The following MTUS2 variants were observed in gnomAD, a reference collection of about 807,000 sequenced individuals.
MTUS2 encodes microtubule-associated tumor suppressor candidate 2.
MTUS2 carries 40 observed loss-of-function variants against 114.1 expected under a neutral mutation model. That is an observed-to-expected ratio of 0.35 (90% confidence interval 0.27 to 0.46). MTUS2 has a LOEUF of 0.46. Among genes scored for constraint, MTUS2 ranks in the 20% least tolerant of loss-of-function variants. The probability of loss-of-function intolerance (pLI) is 1.00; values close to 1 mark genes in which losing one functional copy is unlikely to be tolerated. For missense variants in MTUS2, 1,679 were observed against 1,705.4 expected (o/e 0.98, Z 0.27); for synonymous variants, 688 against 672.0 (o/e 1.02, Z -0.37).
intron 2 of MTUS2, among the ~76,000 whole-genome samples, chr13:28,870,547 G>A (rs1011691919): frequency 5.9e-5 from 9 of 152,138 alleles, no homozygotes; most frequent in African/African-American, 2.2e-4. Context: ...TGTGCTTCTG[G>A]TGGTTAAGCT....
At chr13:29,134,180 C>T (rs1221709861) in intron 5 of MTUS2, among the ~76,000 whole-genome samples, 1 of 152,120 alleles carries the variant, frequency 6.6e-6, no homozygotes, top group Non-Finnish European at 1.5e-5. Flanking sequence ...AATTTCCACA[C>T]ATTTTTGAAT....
intron 5 of MTUS2, among the ~76,000 whole-genome samples, chr13:29,266,618 A>G (rs1449490540): frequency 1.3e-5 from 2 of 152,194 alleles, no homozygotes; most frequent in Non-Finnish European, 2.9e-5. Context: ...ATACTATATT[A>G]TAGATCATCC....
At chr13:29,406,268 G>T (rs1874746810) in intron 8 of MTUS2, among the ~76,000 whole-genome samples, 1 of 152,206 alleles carries the variant, frequency 6.6e-6, no homozygotes, top group Admixed American at 6.5e-5. Flanking sequence ...CCCACTGAGG[G>T]TCGGGTATCT....
Position 29,080,520 on chromosome 13 carries a change from A to G in MTUS2, c.2447-20253A>G, listed in dbSNP as rs560113859. Among the ~76,000 whole-genome samples, 4 of 152,328 alleles carry G rather than the reference A, an allele frequency of 2.6e-5. No homozygotes were observed. The South Asian group carries it at 6.2e-4, about 24-fold the overall frequency. On this transcript the variant is annotated intron_variant, in intron 4 of 15. Coordinates refer to ENST00000612955, the MANE Select transcript of MTUS2 (RefSeq NM_001033602.4). ...CTGAGGAGCAAGGAAGCCAGTCCAT[A>G]TCTCAAAGCTGAAGAACTTGGAGTC... is the stretch of plus-strand genomic sequence containing the variant.
intron 5 of MTUS2, among the ~76,000 whole-genome samples, chr13:29,174,018 T>C (rs1029389576): frequency 1.3e-5 from 2 of 152,160 alleles, no homozygotes; most frequent in African/African-American, 4.8e-5. Flanking sequence ...GAAGGCATAT[T>C]GTGACATTGT....
At chr13:29,491,777 G>C (rs1204599992) in intron 11 of MTUS2, among the ~76,000 whole-genome samples, 1 of 148,498 alleles carries the variant, frequency 6.7e-6, no homozygotes, top group South Asian at 2.2e-4. Flanking sequence ...TGTGATGTAT[G>C]TATGTGCTGT....
At chr13:28,847,072 G>T (rs1875934892) in intron 2 of MTUS2, among the ~76,000 whole-genome samples, 1 of 152,150 alleles carries the variant, frequency 6.6e-6, no homozygotes, top group Non-Finnish European at 1.5e-5. Context: ...TTTTAATTGG[G>T]GGTGATGTGG....
At chr13:29,470,072 A>C (rs1420138310) in intron 9 of MTUS2, among the ~76,000 whole-genome samples, 1 of 152,140 alleles carries the variant, frequency 6.6e-6, no homozygotes, top group Non-Finnish European at 1.5e-5. Flanking sequence ...CCTTCACCTT[A>C]GTACAGCCAA....
intron 5 of MTUS2, among the ~76,000 whole-genome samples, chr13:29,162,062 A>G (rs1893120855): frequency 6.6e-6 from 1 of 152,158 alleles, no homozygotes. Flanking sequence ...ACACTTCAAA[A>G]TTTAGCATCC....
chr13:28,947,498 G>A (rs946811959), intron 2 of MTUS2, among the ~76,000 whole-genome samples: 1 of 152,002 alleles, frequency 6.6e-6, no homozygotes, highest in African/African-American at 2.4e-5. Flanking sequence ...CATTTACACG[G>A]GGTCTTCAAA....
intron 2 of MTUS2, among the ~76,000 whole-genome samples, chr13:28,917,834 C>CT (rs1289723009): frequency 6.6e-6 from 1 of 151,568 alleles, no homozygotes; most frequent in African/African-American, 2.4e-5. Context: ...TGTTTTTCTT[C>CT]TTTTTTGAGG....
At chr13:29,278,778 A>T (rs538613035) in intron 5 of MTUS2, among the ~76,000 whole-genome samples, 8 of 152,310 alleles carry the variant, frequency 5.3e-5, no homozygotes, top group African/African-American at 1.9e-4. Context: ...CAATTGTGTT[A>T]TCCTCACCTT....
At chr13:29,362,876 T>C (rs1335111938) in intron 8 of MTUS2, among the ~76,000 whole-genome samples, 2 of 152,174 alleles carry the variant, frequency 1.3e-5, no homozygotes, top group Non-Finnish European at 2.9e-5. Context: ...GCTTTATAGC[T>C]CCTGGCAGAG....
intron 2 of MTUS2, among the ~76,000 whole-genome samples, chr13:28,939,792 A>T (rs1334173199): frequency 1.3e-5 from 2 of 152,188 alleles, no homozygotes; most frequent in African/African-American, 4.8e-5. Flanking sequence ...CATGCTGCTA[A>T]CAAAGACATA....
chr13:29,281,492 A>G (rs1898267232), intron 5 of MTUS2, among the ~76,000 whole-genome samples: 1 of 151,154 alleles, frequency 6.6e-6, no homozygotes, highest in Non-Finnish European at 1.5e-5. Flanking sequence ...CGTTTAGTGC[A>G]CGGGATTTGT....
At chr13:29,395,038 C>T (rs1166234021) in intron 8 of MTUS2, among the ~76,000 whole-genome samples, 1 of 152,154 alleles carries the variant, frequency 6.6e-6, no homozygotes, top group Non-Finnish European at 1.5e-5. Context: ...GACAGCTTTG[C>T]AGTGCCATTT....
At chr13:28,883,113 A>G (rs1395811452) in intron 2 of MTUS2, among the ~76,000 whole-genome samples, 1 of 152,198 alleles carries the variant, frequency 6.6e-6, no homozygotes, top group Non-Finnish European at 1.5e-5. Flanking sequence ...ATCACTGCAC[A>G]CCTATCAGAA....
At chr13:29,057,253 A>G (rs923963123) in intron 4 of MTUS2, among the ~76,000 whole-genome samples, 1 of 152,104 alleles carries the variant, frequency 6.6e-6, no homozygotes, top group African/African-American at 2.4e-5. Context: ...CCATGTGCAG[A>G]AGAGAAGATT....
chr13:29,503,503 A>G lies in MTUS2; in HGVS notation c.*297A>G. The G allele has an allele frequency of 1.9e-6, 1 of 532,646 alleles. No homozygotes were observed. The highest frequency in any genetic ancestry group is 3.4e-6 in the Non-Finnish European group (1 of 295,064). 33.0% of individuals were successfully genotyped at this position (532,646 alleles called of 1,614,324 possible). A position where few individuals can be genotyped will look rare whatever the true frequency, so the allele number is the denominator to read the frequency against. ...ACTGCAGAATTTCAGGTTAGTTACAAAAAGCTCAGTTTTCAATATACATTG... is the reference window on the plus strand; with the variant it reads ...ACTGCAGAATTTCAGGTTAGTTACAGAAAGCTCAGTTTTCAATATACATTG... On this transcript the variant is annotated 3_prime_UTR_variant, in exon 16 of 16. Transcript: ENST00000612955.
Sources: gnomAD v4.1 joint callset for allele counts (sites outside exome capture counted in the v4.1 genomes callset) on GRCh38, gnomAD v4.1.1 for gene constraint, MANE v1.5 for transcripts, NCBI Gene and HGNC (gene_info 2026-07-23, HGNC 2026-07-21) for gene names.